ARL5A: variants seen among roughly 807,000 people sequenced by gnomAD.
The protein encoded by ARL5A is ADP-ribosylation factor-like protein 5A.
A neutral mutation model predicts 25.9 loss-of-function variants in ARL5A; 18 were observed. The ratio of observed to expected loss-of-function variants is 0.69; its 90% CI spans 0.48 to 1.03. The LOEUF (loss-of-function observed/expected upper bound fraction) is 1.03, where lower values mean the gene tolerates loss of function less well. Among genes scored for constraint, ARL5A ranks in the 50% least tolerant of loss-of-function variants. ARL5A has a pLI of 0.00. For synonymous variants in ARL5A, 61 were observed against 67.5 expected, an observed-to-expected ratio of 0.90 and a Z score of 0.47; for missense variants, 170 against 211.9, an observed-to-expected ratio of 0.80 and a Z score of 1.23.
chr2:151,807,214 G>A (rs1209051413), intron 4 of ARL5A, among the ~76,000 whole-genome samples: 6 of 152,172 alleles, frequency 3.9e-5, no homozygotes, highest in Non-Finnish European at 7.4e-5. Flanking sequence ...ATGTTTCCCA[G>A]TATATACACC....
At chr2:151,822,960 A>T (rs2151297465) in intron 1 of ARL5A, among the ~76,000 whole-genome samples, 1 of 152,260 alleles carries the variant, frequency 6.6e-6, no homozygotes, top group East Asian at 1.9e-4. Context: ...TATTCCCCCA[A>T]CTCATCAGTC....
At chr2:151,816,089 G>C (rs777974934) in intron 1 of ARL5A, among the ~76,000 whole-genome samples, 12 of 152,142 alleles carry the variant, frequency 7.9e-5, no homozygotes, top group African/African-American at 2.4e-4. Context: ...ATGACCAGAC[G>C]TGATTTCTGA....
chr2:151,821,419 C>A (rs560037457), intron 1 of ARL5A, among the ~76,000 whole-genome samples: 37 of 152,086 alleles, frequency 2.4e-4, no homozygotes, highest in Admixed American at 1.7e-3. Context: ...GGAAAATATC[C>A]AAAAAAACCA....
chr2:151,817,994 G>A (rs116311780), intron 1 of ARL5A, among the ~76,000 whole-genome samples: 1,975 of 152,218 alleles, frequency 0.013, 49 homozygotes, highest in African/African-American at 0.046. Flanking sequence ...CAACAAGAGC[G>A]AAACCCCGTC....
rs2099829565 is a variant in ARL5A at position 151,802,531 on chromosome 2, T to C, written c.*745A>G. On this transcript the variant is annotated 3_prime_UTR_variant, in exon 6 of 6. Coordinates refer to ENST00000295087, the MANE Select transcript of ARL5A (RefSeq NM_012097.4). Reference sequence around the variant, plus strand: ...CTGCTAGCTTTCCCACTCTGTTGAATTACATGTTTCCATGTGTGTGATTTT... The same window carrying C: ...CTGCTAGCTTTCCCACTCTGTTGAACTACATGTTTCCATGTGTGTGATTTT... 6.6e-6 allele frequency: 1 copy of C among 152,154 alleles called. No homozygotes were observed. The highest frequency in any genetic ancestry group is 1.5e-5 in the Non-Finnish European group (1 of 67,974). 9.4% of individuals were successfully genotyped at this position (152,154 alleles called of 1,614,324 possible). A position where few individuals can be genotyped will look rare whatever the true frequency, so the allele number is the denominator to read the frequency against.
chr2:151,813,165 G>A (rs1432868289), intron 3 of ARL5A, among the ~76,000 whole-genome samples: 2 of 152,196 alleles, frequency 1.3e-5, no homozygotes, highest in African/African-American at 4.8e-5. Context: ...AGTTGGTTCT[G>A]ACTGCCTATT....
chr2:151,803,356 T>G (rs2099829670), intron 5 of ARL5A, 32 bp from the exon 6 acceptor site: 1 of 1,561,104 alleles, frequency 6.4e-7, no homozygotes, highest in South Asian at 1.1e-5. Flanking sequence ...TTGATTAAAT[T>G]CTGAACTAAG....
At chr2:151,812,262 T>C (rs1417604414) in intron 4 of ARL5A, 95 bp downstream of exon 4, 2 of 783,076 alleles carry the variant, frequency 2.6e-6, no homozygotes, top group African/African-American at 3.5e-5. Context: ...TTTTTAAAAA[T>C]TTGAAATTGA....
chr2:151,814,769 T>C (rs2099831289), intron 2 of ARL5A, among the ~76,000 whole-genome samples: 1 of 151,966 alleles, frequency 6.6e-6, no homozygotes, highest in African/African-American at 2.4e-5. Context: ...AGAGATGGCA[T>C]CTCACTATGT....
At chr2:151,818,110 C>G (rs1050259454) in intron 1 of ARL5A, among the ~76,000 whole-genome samples, 1 of 152,138 alleles carries the variant, frequency 6.6e-6, no homozygotes, top group African/African-American at 2.4e-5. Context: ...TAAATAAGAA[C>G]AGCAAATGAG....
rs1227624869 is a variant in ARL5A at position 151,802,257 on chromosome 2, T to C, written c.*1019A>G. On this transcript the variant is annotated 3_prime_UTR_variant, in exon 6 of 6. Transcript: ENST00000295087. ...AACTGCTTGACATATAATTTAATAC[T>C]TAAAAATAATATAGCTAAGTTGTTT... The C allele has an allele frequency of 6.6e-6, 1 of 152,108 alleles. No individual in the cohort carries two copies. The highest frequency in any genetic ancestry group is 1.5e-5 in the Non-Finnish European group (1 of 67,952). The allele number at this position is 152,108 out of a possible 1,614,324, so 9.4% of individuals were successfully genotyped here.
intron 1 of ARL5A, among the ~76,000 whole-genome samples, chr2:151,825,076 T>G (rs2099832864): frequency 6.6e-6 from 1 of 152,238 alleles, no homozygotes; most frequent in South Asian, 2.1e-4. Flanking sequence ...CTCCCAACAC[T>G]ACATGAAAGC....
chr2:151,825,289 T>TG (rs1161301952), intron 1 of ARL5A, among the ~76,000 whole-genome samples: 3 of 151,976 alleles, frequency 2.0e-5, no homozygotes, highest in African/African-American at 7.2e-5. Context: ...AAAAAGTTAA[T>TG]GGGGGGAGGA....
rs2099829311 is a variant in ARL5A, at chr2:151,800,813, C to T, written c.*2463G>A. 1 of 152,554 alleles carries T rather than the reference C, an allele frequency of 6.6e-6. No homozygotes were observed. The highest frequency in any genetic ancestry group is 2.1e-4 in the South Asian group (1 of 4,836). The allele number at this position is 152,554 out of a possible 1,614,324, so 9.5% of individuals were successfully genotyped here. ...TGACTTTCAAAATTAGTATCAAAAA[C>T]AGGATATTTAAATCCAGCCACATGT... On this transcript the variant is annotated 3_prime_UTR_variant, in exon 6 of 6. Transcript: ENST00000295087.
chr2:151,807,071 T>G (rs1414189561), intron 4 of ARL5A, 99 bp from the exon 5 acceptor site: 1 of 1,137,552 alleles, frequency 8.8e-7, no homozygotes, highest in African/African-American at 1.6e-5. Flanking sequence ...AACAAGAATT[T>G]CTCAACTATG....
chr2:151,825,610 C>A (rs2099832946), intron 1 of ARL5A, among the ~76,000 whole-genome samples: 1 of 152,140 alleles, frequency 6.6e-6, no homozygotes, highest in African/African-American at 2.4e-5. Context: ...ACTGTGCACT[C>A]AATCTGAGCT....
chr2:151,802,234 C>G lies in ARL5A; in HGVS notation c.*1042G>C, dbSNP rs2099829523. 6.6e-6 allele frequency: 1 copy of G among 152,070 alleles called. No homozygotes were observed. The highest frequency in any genetic ancestry group is 2.1e-4 in the South Asian group (1 of 4,836). The allele number at this position is 152,070 out of a possible 1,614,324, so 9.4% of individuals were successfully genotyped here. On this transcript the variant is annotated 3_prime_UTR_variant, in exon 6 of 6. Transcript: ENST00000295087. ...ACTTTTACTCTGAAATTCACTTTAACTGCTTGACATATAATTTAATACTTA... is the reference window on the plus strand; with the variant it reads ...ACTTTTACTCTGAAATTCACTTTAAGTGCTTGACATATAATTTAATACTTA...
chr2:151,812,426 A>G lies in ARL5A; in HGVS notation c.270T>C (p.Val90=), dbSNP rs752893124. The G allele has an allele frequency of 2.5e-6, 4 of 1,585,644 alleles. No individual in the cohort carries two copies. Among genetic ancestry groups the G allele is most frequent in the African/African-American group, 1.4e-5 (1 of 73,642 alleles). ...YYTNTEFVIV[V]VDSTDRERIS... ...TCCTCTCTCTGTCTGTACTGTCCAC[A>G]ACAACTATTACAAACTAAAATAATT... Residue 90 remains valine, a synonymous_variant, in exon 4 of 6, where the codon GTT becomes GTC. Coordinates refer to ENST00000295087, the MANE Select transcript of ARL5A (RefSeq NM_012097.4).
rs2099829658 is a variant in ARL5A at position 151,803,203 on chromosome 2, T to C, written c.*73A>G. Reference sequence around the variant, plus strand: ...GTTTATTATAAATATATCTAAACCATTAATTTTTGCAGCTTTCAGGTAAAG... The same window carrying C: ...GTTTATTATAAATATATCTAAACCACTAATTTTTGCAGCTTTCAGGTAAAG... On this transcript the variant is annotated 3_prime_UTR_variant, in exon 6 of 6. Coordinates refer to ENST00000295087, the MANE Select transcript of ARL5A (RefSeq NM_012097.4). 1.9e-6 allele frequency: 2 copies of C among 1,078,194 alleles called. No individual in the cohort carries two copies. The highest frequency in any genetic ancestry group is 2.5e-5 in the East Asian group (1 of 40,570). The allele number at this position is 1,078,194 out of a possible 1,614,324, so 66.8% of individuals were successfully genotyped here.
Sources: gnomAD v4.1 joint callset for allele counts (sites outside exome capture counted in the v4.1 genomes callset) on GRCh38, gnomAD v4.1.1 for gene constraint, MANE v1.5 for transcripts, NCBI Gene and HGNC (gene_info 2026-07-23, HGNC 2026-07-21) for gene names.